Variants in OGT observed in about 807,000 individuals in gnomAD.
OGT encodes UDP-N-acetylglucosamine--peptide N-acetylglucosaminyltransferase 110 kDa subunit.
In OGT, 3 loss-of-function variants were observed where a neutral mutation model predicts 75.8. The ratio of observed to expected loss-of-function variants is 0.04; its 90% CI spans 0.02 to 0.10. The LOEUF (loss-of-function observed/expected upper bound fraction) is 0.10. Ranked by LOEUF, OGT falls within the 10% of genes least tolerant of loss-of-function variation. OGT has a pLI of 1.00. For missense variants in OGT, 260 were observed against 824.4 expected, an observed-to-expected ratio of 0.32 and a Z score of 8.38; for synonymous variants, 257 against 289.7, an observed-to-expected ratio of 0.89 and a Z score of 1.15.
In OGT at chrX:71,547,904, A is replaced by G. The variant is rs776505349; in HGVS notation, c.532-3A>G. ...CCATCTTCTTTCATTAACCCCTCCTAAGGCATGTTATTTGAAAGCAATTGA... is the reference window on the plus strand; with the variant it reads ...CCATCTTCTTTCATTAACCCCTCCTGAGGCATGTTATTTGAAAGCAATTGA... On this transcript the variant is annotated splice_region_variant and splice_polypyrimidine_tract_variant and intron_variant, in intron 4 of 21. Coordinates refer to ENST00000373719, the MANE Select transcript of OGT (RefSeq NM_181672.3). 2.5e-6 allele frequency: 3 copies of G among 1,199,370 alleles called. No homozygotes were observed. The highest frequency in any genetic ancestry group is 3.4e-6 in the Non-Finnish European group (3 of 891,764).
At position 71,561,802 on chromosome X, in the gene OGT, C is replaced by A; in HGVS notation, c.1879C>A (p.Arg627Ser). The change falls in exon 15 of 22, where the codon CGC (arginine) becomes AGC (serine). Residue 627 changes from arginine (R) to serine (S), a missense_variant. Transcript: ENST00000373719. ...QIPCNGKAAD[R>S]IHQDGIHILV... Reference sequence around the variant, plus strand: ...TCCATGCAATGGAAAAGCAGCTGATCGCATCCATCAGGATGGAATTCATAT... The same window carrying A: ...TCCATGCAATGGAAAAGCAGCTGATAGCATCCATCAGGATGGAATTCATAT... 1.7e-6 allele frequency: 2 copies of A among 1,199,659 alleles called. No homozygotes were observed. Among genetic ancestry groups the A allele is most frequent in the Non-Finnish European group, 2.3e-6 (2 of 887,140 alleles).
At chrX:71,536,636 T>C (rs73217066) in intron 2 of OGT, 3 of 232,939 alleles carry the variant, frequency 1.3e-5, no homozygotes, top group South Asian at 1.5e-4. Context: ...TAATAAATTA[T>C]TATCAATGTA....
In OGT at chrX:71,563,377, C is replaced by T; in HGVS notation, c.2314C>T (p.Leu772Phe). ...GDNADSSNTALNMPVIPMNTI... is the reference protein window; with the variant it reads ...GDNADSSNTAFNMPVIPMNTI... ...CAATGCAGATAGCAGTAACACAGCTCTTAATATGCCTGTTATTCCTATGAA... is the reference window on the plus strand; with the variant it reads ...CAATGCAGATAGCAGTAACACAGCTTTTAATATGCCTGTTATTCCTATGAA... Residue 772 changes from leucine (L) to phenylalanine (F), a missense_variant, in exon 18 of 22, where the codon CTT (leucine) becomes TTT (phenylalanine). This residue lies in a region of OGT where 79 missense variants were observed against 141.0 expected (regional missense o/e 0.56). Coordinates refer to ENST00000373719, the MANE Select transcript of OGT (RefSeq NM_181672.3). 8.3e-7 allele frequency: 1 copy of T among 1,204,870 alleles called. No homozygotes were observed. The highest frequency in any genetic ancestry group is 1.1e-6 in the Non-Finnish European group (1 of 889,739).
intron 3 of OGT, among the ~76,000 whole-genome samples, chrX:71,538,296 A>G (rs2040194118): frequency 8.9e-6 from 1 of 112,692 alleles, no homozygotes; most frequent in Admixed American, 9.4e-5. Context: ...TCTTATTGCA[A>G]GAAACTACAT....
intron 5 of OGT, among the ~76,000 whole-genome samples, chrX:71,553,069 CA>C (rs2040317752): frequency 8.9e-6 from 1 of 112,011 alleles, no homozygotes; most frequent in African/African-American, 3.2e-5. Context: ...ACAGAGTTGT[CA>C]TCTAAGTGAA....
At chrX:71,565,561 A>T (rs1051943268) in intron 19 of OGT, among the ~76,000 whole-genome samples, 11 of 111,576 alleles carry the variant, frequency 9.9e-5, no homozygotes, top group African/African-American at 3.6e-4. Flanking sequence ...AGAGATGTAG[A>T]TTTTTCAGGC....
chrX:71,543,319 A>G (rs953499057), intron 3 of OGT, among the ~76,000 whole-genome samples: 1 of 111,846 alleles, frequency 8.9e-6, no homozygotes, highest in Non-Finnish European at 1.9e-5. Flanking sequence ...GTTGACTGGT[A>G]GATGTGACTG....
intron 1 of OGT, among the ~76,000 whole-genome samples, chrX:71,534,899 C>G (rs191304231): frequency 1.8e-5 from 2 of 111,794 alleles, no homozygotes; most frequent in East Asian, 5.6e-4. Context: ...TCTCAATGCT[C>G]TTTGTGTTGG....
At chrX:71,568,600 G>A (rs773464166) in intron 21 of OGT, among the ~76,000 whole-genome samples, 1 of 111,469 alleles carries the variant, frequency 9.0e-6, no homozygotes, top group East Asian at 2.8e-4. Context: ...GGCTTAGGCG[G>A]GCGGATCACT....
chrX:71,556,787 G>T lies in OGT; in HGVS notation c.1166+7G>T, dbSNP rs141143376. ...ATTATAAGGAGGCTATTCGGTAAGA[G>T]ACACTAACAGCCTTATTTTTAAAAT... On this transcript the variant is annotated splice_region_variant and intron_variant, in intron 9 of 21. Coordinates refer to ENST00000373719, the MANE Select transcript of OGT (RefSeq NM_181672.3). 1,077 of 1,103,752 alleles carry T rather than the reference G, an allele frequency of 9.8e-4. 10 individuals are homozygous for T. In the African/African-American group the frequency reaches 0.018, roughly 19 times the overall value. 91.0% of individuals were successfully genotyped at this position (1,103,752 alleles called of 1,213,427 possible).
Position 71,560,131 on chromosome X carries a change from T to A in OGT, c.1851+454T>A, listed in dbSNP as rs759845780. Among the ~76,000 whole-genome samples the A allele has an allele frequency of 1.7e-4, 19 of 109,098 alleles. No homozygotes were observed. In the Admixed American group the frequency reaches 1.9e-3, roughly 11 times the overall value. The allele number at this position is 109,098 out of a possible 115,157, so 94.7% of individuals were successfully genotyped here. A position where few individuals can be genotyped will look rare whatever the true frequency, so the allele number is the denominator to read the frequency against. ...CCGTCTCTACTAAAATACAAAAAATTAGCTGGGTGTGGTGGTGCATTCCTG... is the reference window on the plus strand; with the variant it reads ...CCGTCTCTACTAAAATACAAAAAATAAGCTGGGTGTGGTGGTGCATTCCTG... On this transcript the variant is annotated intron_variant, in intron 14 of 21. Transcript: ENST00000373719.
At position 71,567,564 on chromosome X, in the gene OGT, A is replaced by G; in HGVS notation, c.2654A>G (p.Asn885Ser). ...LLRFPAVGEP[N>S]IQQYAQNMGL... ...CGTTTTCCAGCAGTAGGAGAACCTA[A>G]TATTCAACAGTATGCACAAAACATG... Residue 885 changes from asparagine to serine, a missense_variant, in exon 20 of 22, where the codon AAT becomes AGT. Physicochemically the swap from Asn to Ser is conservative, Grantham distance 46. Around this residue, in one of 6 missense-constraint regions of OGT, gnomAD observed 79 missense variants for 141.0 expected, o/e 0.56. Coordinates refer to ENST00000373719, the MANE Select transcript of OGT (RefSeq NM_181672.3). 1 of 1,200,503 alleles carries G rather than the reference A, an allele frequency of 8.3e-7. No individual in the cohort carries two copies. The highest frequency in any genetic ancestry group is 1.1e-6 in the Non-Finnish European group (1 of 886,840).
intron 3 of OGT, among the ~76,000 whole-genome samples, chrX:71,542,769 CAG>C (rs1239135977): frequency 8.9e-6 from 1 of 112,374 alleles, no homozygotes; most frequent in African/African-American, 3.2e-5. Context: ...TCTGCCAAAA[CAG>C]GGGTAACCCT....
chrX:71,535,635 G>C (rs975527004), intron 1 of OGT, among the ~76,000 whole-genome samples: 1 of 111,603 alleles, frequency 9.0e-6, no homozygotes, highest in Non-Finnish European at 1.9e-5. Flanking sequence ...TACAAAAATT[G>C]ATATAATTTA....
intron 18 of OGT, 139 bp from the exon 19 acceptor site, chrX:71,564,461 CT>C (rs2040403635): frequency 2.0e-6 from 1 of 506,720 alleles, no homozygotes; most frequent in Non-Finnish European, 3.2e-6. Context: ...AACGGTTTGC[CT>C]TTTCTTAAAC....
chrX:71,555,995 G>A lies in OGT; in HGVS notation c.966G>A (p.Leu322=). ...AEDCYNTALR[L]CPTHADSLNN... ...ATTGTTATAATACAGCTCTCCGTCT[G>A]TGTCCCACCCATGCAGACTCTCTGA... The change falls in exon 8 of 22, where the codon CTG becomes CTA. Residue 322 remains leucine, a synonymous_variant. Transcript: ENST00000373719. 8.3e-7 allele frequency: 1 copy of A among 1,211,407 alleles called. No homozygotes were observed. Among genetic ancestry groups the A allele is most frequent in the Admixed American group, 2.2e-5 (1 of 46,024 alleles).
At chrX:71,543,754 GTGTGTGTGTGTGTATATA>G (rs2040238188) in intron 3 of OGT, among the ~76,000 whole-genome samples, 1 of 62,796 alleles carries the variant, frequency 1.6e-5, no homozygotes, top group African/African-American at 1.3e-4. Context: ...GTGTGTGTGT[GTGTGTGTGTGTGTATATA>G]TATATATATA....
intron 5 of OGT, among the ~76,000 whole-genome samples, chrX:71,553,217 G>A (rs954976754): frequency 2.7e-5 from 3 of 110,951 alleles, no homozygotes; most frequent in Non-Finnish European, 5.7e-5. Flanking sequence ...TCGGCCTCCT[G>A]AGTAGCTGGG....
intron 4 of OGT, chrX:71,545,687 G>A (rs891332002): frequency 8.9e-6 from 1 of 112,630 alleles, no homozygotes; most frequent in African/African-American, 3.2e-5. Flanking sequence ...AAAGGCACTA[G>A]TTTTAAGTGC....
Sources: gnomAD v4.1 joint callset for allele counts (sites outside exome capture counted in the v4.1 genomes callset) on GRCh38, gnomAD v4.1.1 for gene constraint, gnomAD v4.1.1 regional missense constraint, MANE v1.5 for transcripts, NCBI Gene and HGNC (gene_info 2026-07-23, HGNC 2026-07-21) for gene names.